The following KAT6B variants were observed in gnomAD, a reference collection of about 807,000 sequenced individuals.
The protein encoded by KAT6B is histone acetyltransferase KAT6B.
Under a neutral mutation model 187.5 loss-of-function variants are expected in KAT6B, and 10 were observed. That is an observed-to-expected ratio of 0.05 (90% CI 0.03 to 0.09). The LOEUF (loss-of-function observed/expected upper bound fraction) is 0.09. Among genes scored for constraint, KAT6B ranks in the 10% least tolerant of loss-of-function variants. The pLI is 1.00. For synonymous variants in KAT6B, 861 were observed against 926.8 expected, an observed-to-expected ratio of 0.93 and a Z score of 1.29; for missense variants, 1,952 against 2,558.9, an observed-to-expected ratio of 0.76 and a Z score of 5.12.
At chr10:74,848,017 C>G (rs1842229631) in intron 3 of KAT6B, among the ~76,000 whole-genome samples, 1 of 150,588 alleles carries the variant, frequency 6.6e-6, no homozygotes, top group Non-Finnish European at 1.5e-5. Flanking sequence ...CTCCCAGGTT[C>G]AAGTGACTCT....
chr10:75,030,616 C>T lies in KAT6B; in HGVS notation c.5792C>T (p.Ser1931Phe), dbSNP rs1324073695. Residue 1931 changes from serine (S) to phenylalanine (F), a missense_variant, in exon 18 of 18, where the codon TCT (serine) becomes TTT (phenylalanine). Physicochemically the swap from Ser to Phe is radical, Grantham distance 155. Transcript: ENST00000287239. This position sits in a 1 kb window ranked among gnomAD's most constrained non-coding sequence, Gnocchi z 4.8. ...ATCTCCATGAGAACCAAGTCAGCGT[C>T]TCTGTCACCAGCCGCTGCCACCCAT... ...GHISMRTKSA[S>F]LSPAAATHQS... The T allele has an allele frequency of 6.2e-7, 1 of 1,613,132 alleles. No homozygotes were observed.
chr10:74,973,909 C>G (rs1004977555), intron 7 of KAT6B, among the ~76,000 whole-genome samples: 4 of 152,188 alleles, frequency 2.6e-5, no homozygotes, highest in Non-Finnish European at 4.4e-5. Flanking sequence ...TATAAACTTT[C>G]TAAACAGAGG....
chr10:75,007,013 A>G lies in KAT6B; in HGVS notation c.2630-13569A>G, dbSNP rs1042995959. 2.0e-4 allele frequency among the ~76,000 whole-genome samples: 30 copies of G among 150,892 alleles called. 1 individual carries two copies. Among genetic ancestry groups the G allele is most frequent in the Non-Finnish European group, 8.9e-5 (6 of 67,764 alleles). On this transcript the variant is annotated intron_variant, in intron 13 of 17. Transcript: ENST00000287239. Reference sequence around the variant, plus strand: ...AACCCGGGAGGCGGAGGTTGCAGTGAGCTGAGATCGTGCCACTGTACTCCA... The same window carrying G: ...AACCCGGGAGGCGGAGGTTGCAGTGGGCTGAGATCGTGCCACTGTACTCCA...
In KAT6B at chr10:74,960,003, T is replaced by C; in HGVS notation, c.655T>C (p.Cys219Arg). The change falls in exon 4 of 18, where the codon TGT (cysteine) becomes CGT (arginine). Residue 219 changes from cysteine (C) to arginine (R), a missense_variant. Physicochemically the swap from Cys to Arg is radical, Grantham distance 180. This residue lies in a region of KAT6B where 218 missense variants were observed against 282.6 expected (regional missense o/e 0.77). Coordinates refer to ENST00000287239, the MANE Select transcript of KAT6B (RefSeq NM_012330.4). ...TGATCCCATTCCAATATGTAGCTTC[T>C]GTTTGGGGACTAAAGAATCAAATCG... is the stretch of plus-strand genomic sequence containing the variant. ...RADPIPICSF[C>R]LGTKESNREK... 2 of 1,613,418 alleles carry C rather than the reference T, an allele frequency of 1.2e-6. No homozygotes were observed. Among genetic ancestry groups the C allele is most frequent in the East Asian group, 2.2e-5 (1 of 44,836 alleles).
At chr10:74,923,654 A>G (rs1049447466) in intron 3 of KAT6B, among the ~76,000 whole-genome samples, 1 of 152,196 alleles carries the variant, frequency 6.6e-6, no homozygotes, top group African/African-American at 2.4e-5. Context: ...AGCCCTTGAC[A>G]TGTCTGAGAA....
chr10:74,843,380 A>G lies in KAT6B; in HGVS notation c.523A>G (p.Asn175Asp). The G allele has an allele frequency of 6.2e-7, 1 of 1,613,888 alleles. No individual in the cohort carries two copies. Residue 175 changes from asparagine to aspartate, a missense_variant, in exon 3 of 18, where the codon AAT becomes GAT. This residue lies in a region of KAT6B where 218 missense variants were observed against 282.6 expected (regional missense o/e 0.77). Transcript: ENST00000287239. ...GAAAGACGGACCGCAGTACAGGGTC[A>G]ATTATGGGAGCTTAGATGGCAAAGG... The part of the protein sequence containing the change: ...LLKDGPQYRV[N>D]YGSLDGKGAP...
rs143098753 is a variant in KAT6B, at chr10:75,006,933, C to A, written c.2630-13649C>A. Among the ~76,000 whole-genome samples the A allele has an allele frequency of 5.9e-5, 9 of 151,652 alleles. No homozygotes were observed. The East Asian group carries it at 1.6e-3, about 26-fold the overall frequency. ...AATACAAAAAATTATCCGGGTGTTGCGGCATGCACCTGTAGTCCCAGCTAC... is the reference window on the plus strand; with the variant it reads ...AATACAAAAAATTATCCGGGTGTTGAGGCATGCACCTGTAGTCCCAGCTAC... On this transcript the variant is annotated intron_variant, in intron 13 of 17. Transcript: ENST00000287239.
chr10:74,916,126 C>T (rs1369720650), intron 3 of KAT6B, among the ~76,000 whole-genome samples: 1 of 152,064 alleles, frequency 6.6e-6, no homozygotes, highest in African/African-American at 2.4e-5. Context: ...TGTGACACTG[C>T]ACTCCAGCCT....
chr10:75,021,796 TAG>T, intron 15 of KAT6B, 83 bp from the exon 16 acceptor site: 1 of 1,464,804 alleles, frequency 6.8e-7, no homozygotes, highest in African/African-American at 1.4e-5. Context: ...AGAACCGACT[TAG>T]AGACACTTTG....
intron 3 of KAT6B, among the ~76,000 whole-genome samples, chr10:74,955,500 A>G (rs11001220): frequency 0.033 from 4,980 of 151,034 alleles, 201 homozygotes; most frequent in East Asian, 0.16. Flanking sequence ...TGCCTTTTAC[A>G]TAGACTCCCC....
At chr10:74,977,143 G>A (rs1273444168) in intron 8 of KAT6B, 173 bp from the exon 9 acceptor site, 4 of 566,216 alleles carry the variant, frequency 7.1e-6, no homozygotes, top group Non-Finnish European at 1.2e-5. Context: ...GTATAGCAGG[G>A]AAAGGATACT....
At chr10:74,951,223 G>A (rs375525517) in intron 3 of KAT6B, among the ~76,000 whole-genome samples, 8 of 151,668 alleles carry the variant, frequency 5.3e-5, no homozygotes, top group African/African-American at 4.8e-5. Flanking sequence ...TCCCTCTCCC[G>A]GGTTCAAGTG....
intron 1 of KAT6B, among the ~76,000 whole-genome samples, chr10:74,837,541 GT>G (rs774035163): frequency 6.6e-6 from 1 of 151,964 alleles, no homozygotes; most frequent in Non-Finnish European, 1.5e-5. Flanking sequence ...GAGAAATAGT[GT>G]GGATAATTCC....
chr10:74,976,626 G>T (rs541508613), intron 8 of KAT6B: 3 of 448,092 alleles, frequency 6.7e-6, no homozygotes, highest in Non-Finnish European at 1.2e-5. Context: ...TTGTAGTCCC[G>T]CATGAGTAGC....
chr10:74,947,153 C>T (rs764454094), intron 3 of KAT6B, among the ~76,000 whole-genome samples: 39 of 152,082 alleles, frequency 2.6e-4, no homozygotes, highest in Admixed American at 5.9e-4. Flanking sequence ...TGTGCTACCA[C>T]GCCCAGCTAA....
chr10:74,964,762 A>C (rs573533654), intron 4 of KAT6B, among the ~76,000 whole-genome samples: 53 of 152,324 alleles, frequency 3.5e-4, no homozygotes, highest in African/African-American at 1.2e-3. Flanking sequence ...AGGATTTCCT[A>C]TATTCAGCAA....
chr10:74,923,850 C>T (rs556148637), intron 3 of KAT6B, among the ~76,000 whole-genome samples: 7 of 152,286 alleles, frequency 4.6e-5, no homozygotes, highest in Middle Eastern at 3.4e-3. Context: ...TTTTAACAAG[C>T]TGTTTCCTGC....
intron 13 of KAT6B, among the ~76,000 whole-genome samples, chr10:75,017,974 A>G (rs1326583179): frequency 3.9e-5 from 6 of 152,196 alleles, no homozygotes; most frequent in African/African-American, 9.7e-5. Context: ...AGTTCCTGCT[A>G]TTAGTTCCTT....
chr10:74,897,413 T>C (rs1315717385), intron 3 of KAT6B, among the ~76,000 whole-genome samples: 3 of 152,226 alleles, frequency 2.0e-5, no homozygotes, highest in African/African-American at 7.2e-5. Context: ...GAATGCACAC[T>C]GCTGGACCTA....
Sources: allele counts gnomAD v4.1 joint callset (sites outside exome capture counted in the v4.1 genomes callset), GRCh38; gene constraint gnomAD v4.1.1; regional missense constraint gnomAD v4.1.1; non-coding constraint Gnocchi (gnomAD v3.1); transcripts MANE v1.5; gene names NCBI Gene and HGNC (gene_info 2026-07-23, HGNC 2026-07-21).